Variants in RPH3A observed in about 807,000 individuals in gnomAD.
The protein encoded by RPH3A is rabphilin 3A, also known as rabphilin-3A.
RPH3A carries 48 observed loss-of-function variants against 102.2 expected under a neutral mutation model. That is an observed-to-expected ratio of 0.47 (90% CI 0.37 to 0.60). The LOEUF is 0.60. Among genes scored for constraint, RPH3A ranks in the 20% least tolerant of loss-of-function variants. RPH3A has a pLI of 0.00. For synonymous variants in RPH3A, 310 were observed against 324.3 expected, an observed-to-expected ratio of 0.96 and a Z score of 0.47; for missense variants, 781 against 910.1, an observed-to-expected ratio of 0.86 and a Z score of 1.83.
intron 1 of RPH3A, among the ~76,000 whole-genome samples, chr12:112,714,622 T>C (rs1172946860): frequency 6.6e-6 from 1 of 152,224 alleles, no homozygotes; most frequent in African/African-American, 2.4e-5. Flanking sequence ...TTTTCAAGTA[T>C]AGGATTTTCT....
chr12:112,760,574 C>T (rs2040848635), intron 1 of RPH3A, among the ~76,000 whole-genome samples: 1 of 152,156 alleles, frequency 6.6e-6, no homozygotes, highest in Admixed American at 6.5e-5. Flanking sequence ...AACAGTGCAA[C>T]ATTCAGATAG....
chr12:112,837,884 T>G (rs1413136323), intron 4 of RPH3A: 1 of 236,176 alleles, frequency 4.2e-6, no homozygotes, highest in Non-Finnish European at 8.4e-6. Flanking sequence ...CCTTCCCCCC[T>G]CCCTCCCTCC....
At position 112,895,762 on chromosome 12, in the gene RPH3A, C is replaced by A. The variant is rs555472324; in HGVS notation, c.1858-15C>A. On this transcript the variant is annotated splice_polypyrimidine_tract_variant and intron_variant, in intron 20 of 21. Coordinates refer to ENST00000389385, the MANE Select transcript of RPH3A (RefSeq NM_001143854.2). ...AGAGGGCTCTTACCCACATGTCTTC[C>A]TCTGTTGTATTCAGGAGTTTTTCTA... is the stretch of plus-strand genomic sequence containing the variant. The A allele has an allele frequency of 5.8e-5, 92 of 1,595,926 alleles. No individual in the cohort carries two copies. The highest frequency in any genetic ancestry group is 7.6e-5 in the Non-Finnish European group (88 of 1,163,724).
At position 112,664,584 on chromosome 12, in the gene RPH3A, G is replaced by A. The variant is rs547261797; in HGVS notation, c.-140+89265G>A. Among the ~76,000 whole-genome samples, 7 of 152,282 alleles carry A rather than the reference G, an allele frequency of 4.6e-5. No individual in the cohort carries two copies. In the East Asian group the frequency reaches 1.2e-3, roughly 25 times the overall value. ...AAGTGCTGCTGGATTGGCCCCCTGG[G>A]GGTTTTGGTTCCAGTGAATTGTCCT... On this transcript the variant is annotated intron_variant, in intron 1 of 21. Coordinates refer to the RPH3A transcript ENST00000543106.
intron 5 of RPH3A, among the ~76,000 whole-genome samples, chr12:112,856,766 A>G (rs2042418559): frequency 6.6e-6 from 1 of 152,258 alleles, no homozygotes; most frequent in Non-Finnish European, 1.5e-5. Context: ...ATAAATAACT[A>G]GCAGCAACCA....
intron 1 of RPH3A, among the ~76,000 whole-genome samples, chr12:112,612,441 C>T (rs532596554): frequency 2.7e-4 from 41 of 152,140 alleles, no homozygotes; most frequent in Admixed American, 6.5e-4. Flanking sequence ...ACATTTGCTC[C>T]GTTAAACTTT....
At chr12:112,894,902 T>C (rs1198822206) in intron 20 of RPH3A, among the ~76,000 whole-genome samples, 1 of 152,258 alleles carries the variant, frequency 6.6e-6, no homozygotes, top group East Asian at 1.9e-4. Context: ...TAACAAAAAA[T>C]TTATACATCA....
chr12:112,787,790 C>A (rs921165787), upstream of RPH3A, among the ~76,000 whole-genome samples: 6 of 152,180 alleles, frequency 3.9e-5, no homozygotes, highest in African/African-American at 1.4e-4. Context: ...TGCACATATA[C>A]AAATTGTGCA....
chr12:112,745,020 T>C (rs908070316), intron 1 of RPH3A, among the ~76,000 whole-genome samples: 2 of 152,248 alleles, frequency 1.3e-5, no homozygotes, highest in Admixed American at 1.3e-4. Flanking sequence ...TTATTCTCTG[T>C]CCAAGATCTA....
chr12:112,857,827 A>G (rs1041371979), intron 5 of RPH3A, among the ~76,000 whole-genome samples: 1 of 152,180 alleles, frequency 6.6e-6, no homozygotes. Flanking sequence ...CATTTGGACC[A>G]ACCTTGTAGT....
intron 1 of RPH3A, among the ~76,000 whole-genome samples, chr12:112,735,680 T>G (rs187770928): frequency 1.3e-5 from 2 of 152,290 alleles, no homozygotes; most frequent in Non-Finnish European, 2.9e-5. Flanking sequence ...AATTTAGGGT[T>G]CACTAGACGC....
intron 1 of RPH3A, among the ~76,000 whole-genome samples, chr12:112,637,354 C>T (rs2039856047): frequency 1.3e-5 from 2 of 152,110 alleles, no homozygotes; most frequent in African/African-American, 4.8e-5. Flanking sequence ...ACCTATCACC[C>T]AGCTTCAACA....
At chr12:112,663,059 GGTGTGTGT>G (rs60392620) in intron 1 of RPH3A, among the ~76,000 whole-genome samples, 117 of 141,244 alleles carry the variant, frequency 8.3e-4, no homozygotes, top group Admixed American at 1.9e-3. Context: ...CTAAGTGATT[GGTGTGTGT>G]GTGTGTGTGT....
Position 112,710,011 on chromosome 12 carries a change from G to A in RPH3A, c.-139-82132G>A, listed in dbSNP as rs531390779. Among the ~76,000 whole-genome samples the A allele has an allele frequency of 5.8e-4, 88 of 152,090 alleles. 1 individual carries two copies. The Middle Eastern group carries it at 0.02, about 35-fold the overall frequency. On this transcript the variant is annotated intron_variant, in intron 1 of 21. Transcript: ENST00000543106. Reference sequence around the variant, plus strand: ...TTTTTTTGAGACGGAGTCTTACTCTGTCGCCCAGGCTAGAGTGCAGTGGCA... The same window carrying A: ...TTTTTTTGAGACGGAGTCTTACTCTATCGCCCAGGCTAGAGTGCAGTGGCA...
intron 1 of RPH3A, among the ~76,000 whole-genome samples, chr12:112,764,031 T>A (rs1331255236): frequency 6.6e-6 from 1 of 152,138 alleles, no homozygotes; most frequent in East Asian, 1.9e-4. Context: ...GTAGAAGACC[T>A]TGGCAGGATA....
In RPH3A at chr12:112,898,173, A is replaced by C. The variant is rs1235094736; in HGVS notation, c.*1393A>C. On this transcript the variant is annotated 3_prime_UTR_variant, in exon 22 of 22. Transcript: ENST00000389385. The stretch of plus-strand genomic sequence containing the variant: ...TAGAGAGAGACAGGCCTGATGCCAA[A>C]GGCTTTGGGCTCATCATCAATCTTT... The C allele has an allele frequency of 6.6e-6, 1 of 152,190 alleles. No individual in the cohort carries two copies. The highest frequency in any genetic ancestry group is 1.5e-5 in the Non-Finnish European group (1 of 68,034). The allele number at this position is 152,190 out of a possible 1,614,324, so 9.4% of individuals were successfully genotyped here.
At chr12:112,744,125 G>A (rs1367627478) in intron 1 of RPH3A, among the ~76,000 whole-genome samples, 1 of 152,160 alleles carries the variant, frequency 6.6e-6, no homozygotes, top group East Asian at 1.9e-4. Flanking sequence ...GCCCAGGCTG[G>A]ATTGCAGTGG....
intron 1 of RPH3A, chr12:112,695,192 A>T (rs2040341037): frequency 5.9e-6 from 1 of 169,274 alleles, no homozygotes; most frequent in African/African-American, 2.4e-5. Context: ...TTGTTTGCTA[A>T]ATTTTGGCAA....
intron 19 of RPH3A, 164 bp downstream of exon 19, chr12:112,891,167 T>C: frequency 1.3e-6 from 1 of 758,470 alleles, no homozygotes; most frequent in South Asian, 1.9e-5. Context: ...CTGGCAAGAA[T>C]GTGGGTCTGG....
Sources: gnomAD v4.1 joint callset for allele counts (sites outside exome capture counted in the v4.1 genomes callset) on GRCh38, gnomAD v4.1.1 for gene constraint, MANE v1.5 for transcripts, NCBI Gene and HGNC (gene_info 2026-07-23, HGNC 2026-07-21) for gene names.